The following RNF17 variants were observed in gnomAD, a reference collection of about 807,000 sequenced individuals.
RNF17 encodes spermatogenesis associated 23.
RNF17 carries 31 observed loss-of-function variants against 200.5 expected under a neutral mutation model. That is an observed-to-expected ratio of 0.15 (90% CI 0.12 to 0.21). The LOEUF (loss-of-function observed/expected upper bound fraction) is 0.21. Among genes scored for constraint, RNF17 ranks in the 10% least tolerant of loss-of-function variants. The pLI is 1.00. For synonymous variants in RNF17, 606 were observed against 637.8 expected, an observed-to-expected ratio of 0.95 and a Z score of 0.75; for missense variants, 1,628 against 1,905.1, an observed-to-expected ratio of 0.85 and a Z score of 2.71.
intron 15 of RNF17, among the ~76,000 whole-genome samples, chr13:24,817,153 C>A (rs1213091526): frequency 2.6e-5 from 4 of 152,072 alleles, no homozygotes; most frequent in African/African-American, 9.7e-5. Context: ...ATTCCTCCAT[C>A]TTTTTGTTTT....
chr13:24,805,759 C>T (rs1430312282), intron 15 of RNF17, among the ~76,000 whole-genome samples: 3 of 152,134 alleles, frequency 2.0e-5, no homozygotes, highest in African/African-American at 4.8e-5. Context: ...TTATGTTTAA[C>T]TTTTTGGGGG....
chr13:24,797,861 A>G (rs1364985998), intron 11 of RNF17, among the ~76,000 whole-genome samples: 1 of 152,068 alleles, frequency 6.6e-6, no homozygotes, highest in African/African-American at 2.4e-5. Context: ...GAGAATGAAT[A>G]AATAAATATA....
intron 15 of RNF17, among the ~76,000 whole-genome samples, chr13:24,825,212 G>A (rs1328780471): frequency 6.6e-6 from 1 of 152,094 alleles, no homozygotes; most frequent in African/African-American, 2.4e-5. Flanking sequence ...TAATGGGTTT[G>A]GATCAGTTAA....
chr13:24,873,394 T>C (rs115311062), intron 32 of RNF17, among the ~76,000 whole-genome samples: 1,531 of 152,358 alleles, frequency 0.01, 36 homozygotes, highest in African/African-American at 0.034. Flanking sequence ...TGTGAGCCTA[T>C]ATTTGTTACA....
At position 24,799,405 on chromosome 13, in the gene RNF17, A is replaced by C. The variant is rs1431464110; in HGVS notation, c.1410A>C (p.Ile470=). Residue 470 remains isoleucine, a synonymous_variant, in exon 12 of 36, where the codon ATA becomes ATC. Coordinates refer to ENST00000255324, the MANE Select transcript of RNF17 (RefSeq NM_031277.3). Reference sequence around the variant, plus strand: ...TCCCTCATTATTTAGGTGCAAGAATATTTGTCAGCAGTATTAAAAATGGAA... The same window carrying C: ...TCCCTCATTATTTAGGTGCAAGAATCTTTGTCAGCAGTATTAAAAATGGAA... ...PSDILELGAR[I]FVSSIKNGMW... 6.2e-7 allele frequency: 1 copy of C among 1,605,332 alleles called. No individual in the cohort carries two copies. Among genetic ancestry groups the C allele is most frequent in the Non-Finnish European group, 8.5e-7 (1 of 1,176,050 alleles).
At chr13:24,786,743 A>G (rs1234786078) in intron 6 of RNF17, among the ~76,000 whole-genome samples, 1 of 152,082 alleles carries the variant, frequency 6.6e-6, no homozygotes, top group African/African-American at 2.4e-5. Context: ...TGCAGATAAT[A>G]TTATTGAGGA....
chr13:24,771,959 G>A (rs9511445), intron 2 of RNF17, among the ~76,000 whole-genome samples: 35,087 of 151,968 alleles, frequency 0.23, 4,538 homozygotes, highest in Non-Finnish European at 0.29. Flanking sequence ...AGCCGAGATC[G>A]CACTATTGCA....
At chr13:24,837,661 A>G (rs1890159390) in intron 18 of RNF17, among the ~76,000 whole-genome samples, 2 of 152,152 alleles carry the variant, frequency 1.3e-5, no homozygotes, top group African/African-American at 4.8e-5. Context: ...ATAATGACAC[A>G]ACCTATCAAA....
chr13:24,808,315 A>T (rs991359442), intron 15 of RNF17, among the ~76,000 whole-genome samples: 31 of 151,740 alleles, frequency 2.0e-4, no homozygotes, highest in Non-Finnish European at 3.1e-4. Context: ...ATCCTCTTTT[A>T]TTTCCTTGAG....
intron 6 of RNF17, 137 bp from the exon 7 acceptor site, chr13:24,787,851 A>C: frequency 1.8e-6 from 1 of 545,114 alleles, no homozygotes; most frequent in Non-Finnish European, 3.2e-6. Context: ...GATACAGTTC[A>C]GTTACTGTTT....
At chr13:24,753,832 T>G in the RNF17 span, among the ~76,000 whole-genome samples, 1 of 152,110 alleles carries the variant, frequency 6.6e-6, no homozygotes, top group Non-Finnish European at 1.5e-5. Flanking sequence ...ACAGATTCTT[T>G]TAAAAAATAC....
chr13:24,873,403 C>G (rs1894509288), intron 32 of RNF17, among the ~76,000 whole-genome samples: 2 of 152,160 alleles, frequency 1.3e-5, no homozygotes, highest in South Asian at 4.1e-4. Context: ...ATATTTGTTA[C>G]ATTTTCTTCT....
chr13:24,888,267 A>C, the RNF17 span, among the ~76,000 whole-genome samples: 2 of 152,132 alleles, frequency 1.3e-5, no homozygotes, highest in African/African-American at 2.4e-5. Context: ...ATTAAAAAAA[A>C]CACAAACTGA....
In RNF17 at chr13:24,796,312, C is replaced by T; in HGVS notation, c.1399+17C>T. 6.5e-7 allele frequency: 1 copy of T among 1,530,176 alleles called. No homozygotes were observed. Among genetic ancestry groups the T allele is most frequent in the Non-Finnish European group, 8.8e-7 (1 of 1,132,948 alleles). 94.8% of individuals were successfully genotyped at this position (1,530,176 alleles called of 1,614,324 possible). ...TGGAACTAGGTAATGAAATATTAGT[C>T]CAAGTTAAAATATCAAATTTATTTA... On this transcript the variant is annotated intron_variant, in intron 11 of 35. Coordinates refer to ENST00000255324, the MANE Select transcript of RNF17 (RefSeq NM_031277.3).
intron 10 of RNF17, among the ~76,000 whole-genome samples, chr13:24,793,613 G>A (rs1453845614): frequency 6.6e-6 from 1 of 152,094 alleles, no homozygotes; most frequent in Admixed American, 6.5e-5. Context: ...ATTTTTTAGT[G>A]TTCTCACATA....
At chr13:24,803,192 C>A (rs1885462761) in intron 14 of RNF17, among the ~76,000 whole-genome samples, 1 of 152,120 alleles carries the variant, frequency 6.6e-6, no homozygotes, top group African/African-American at 2.4e-5. Flanking sequence ...TTTAACTGTT[C>A]CTAAATTTTC....
intron 25 of RNF17, among the ~76,000 whole-genome samples, chr13:24,854,478 T>G (rs1314943776): frequency 1.3e-5 from 2 of 151,852 alleles, no homozygotes; most frequent in Middle Eastern, 3.2e-3. Context: ...TTTTTTTTTT[T>G]AATGAACACT....
chr13:24,834,258 T>A (rs1188157644), intron 18 of RNF17, among the ~76,000 whole-genome samples: 1 of 148,870 alleles, frequency 6.7e-6, no homozygotes, highest in South Asian at 2.1e-4. Context: ...AATAAAAAAA[T>A]ATATATATTA....
rs531375586 is a variant in RNF17, at chr13:24,831,064, T to A, written c.2361+465T>A. 1.5e-4 allele frequency among the ~76,000 whole-genome samples: 23 copies of A among 152,328 alleles called. No individual in the cohort carries two copies. The East Asian group carries it at 4.2e-3, about 28-fold the overall frequency. On this transcript the variant is annotated intron_variant, in intron 17 of 35. Transcript: ENST00000255324. ...GGTAAGAAGGAGCCTTGTTTTCTAA[T>A]TTATATACTGTTGTTTGAGTTGTTT...
Sources: allele counts gnomAD v4.1 joint callset (sites outside exome capture counted in the v4.1 genomes callset), GRCh38; gene constraint gnomAD v4.1.1; transcripts MANE v1.5; gene names NCBI Gene and HGNC (gene_info 2026-07-23, HGNC 2026-07-21).